The following SPOCK1 variants were observed in gnomAD, a reference collection of about 807,000 sequenced individuals.
SPOCK1 encodes the protein testican-1.
SPOCK1 carries 23 observed loss-of-function variants against 55.3 expected under a neutral mutation model. The observed-to-expected ratio is 0.42, with a 90% CI of 0.30 to 0.59. The LOEUF is 0.59. SPOCK1 is among the 20% of genes least tolerant of loss of function. The probability of loss-of-function intolerance (pLI) is 0.22; values close to 1 mark genes in which losing one functional copy is unlikely to be tolerated. For missense variants in SPOCK1, 499 were observed against 552.5 expected (o/e 0.90, Z 0.97); for synonymous variants, 226 against 221.0 (o/e 1.02, Z -0.20).
intron 3 of SPOCK1, among the ~76,000 whole-genome samples, chr5:137,178,294 A>G (rs1317493844): frequency 1.3e-5 from 2 of 152,244 alleles, no homozygotes; most frequent in Non-Finnish European, 2.9e-5. Flanking sequence ...GGCACATGGT[A>G]AACACATACT....
At chr5:137,017,134 C>T (rs1338802507) in intron 6 of SPOCK1, among the ~76,000 whole-genome samples, 1 of 152,242 alleles carries the variant, frequency 6.6e-6, no homozygotes, top group African/African-American at 2.4e-5. Flanking sequence ...GAAGGGAGGA[C>T]CTCAGCTACC....
intron 9 of SPOCK1, 51 bp downstream of exon 9, chr5:136,985,089 C>A: frequency 6.5e-7 from 1 of 1,538,018 alleles, no homozygotes; most frequent in East Asian, 2.2e-5. Flanking sequence ...TTACAAGGGA[C>A]ATGGCTGGCT....
intron 6 of SPOCK1, among the ~76,000 whole-genome samples, chr5:137,043,670 C>T (rs555706784): frequency 3.3e-5 from 5 of 152,270 alleles, no homozygotes; most frequent in Admixed American, 3.3e-4. Context: ...ACTCATAACC[C>T]TACTCTAATC....
At chr5:137,027,046 G>A (rs1006410330) in intron 6 of SPOCK1, among the ~76,000 whole-genome samples, 5 of 152,056 alleles carry the variant, frequency 3.3e-5, no homozygotes, top group Non-Finnish European at 7.4e-5. Flanking sequence ...TTTTATGATT[G>A]TTTTATTTTC....
chr5:137,452,240 A>G (rs1753269700), intron 2 of SPOCK1, among the ~76,000 whole-genome samples: 1 of 152,224 alleles, frequency 6.6e-6, no homozygotes, highest in South Asian at 2.1e-4. Context: ...CTTCACCATC[A>G]CATGCCGTGT....
intron 2 of SPOCK1, among the ~76,000 whole-genome samples, chr5:137,428,542 G>T (rs1242468233): frequency 6.6e-6 from 1 of 152,130 alleles, no homozygotes. Flanking sequence ...TTTTCATTCT[G>T]CATCTTTCCC....
intron 2 of SPOCK1, among the ~76,000 whole-genome samples, chr5:137,324,932 C>A: frequency 6.6e-6 from 1 of 150,394 alleles, no homozygotes. Context: ...CAACACTAAG[C>A]TGTGCAGACA....
intron 3 of SPOCK1, among the ~76,000 whole-genome samples, chr5:137,209,808 A>G (rs1755579244): frequency 6.6e-6 from 1 of 152,226 alleles, no homozygotes; most frequent in Admixed American, 6.5e-5. Flanking sequence ...GAGGCACACA[A>G]TATGCTTGGT....
intron 3 of SPOCK1, among the ~76,000 whole-genome samples, chr5:137,238,876 T>C (rs748247977): frequency 5.9e-5 from 9 of 152,216 alleles, no homozygotes; most frequent in Non-Finnish European, 1.0e-4. Context: ...AAGTGATTGA[T>C]AGTGAGATAT....
chr5:136,994,699 C>T (rs1315196122), intron 6 of SPOCK1, among the ~76,000 whole-genome samples: 11 of 151,106 alleles, frequency 7.3e-5, no homozygotes. Context: ...TGCAATTAGC[C>T]ATATATGGCT....
intron 5 of SPOCK1, among the ~76,000 whole-genome samples, chr5:137,084,755 ACT>A (rs757223721): frequency 4.6e-5 from 7 of 151,310 alleles, no homozygotes; most frequent in Non-Finnish European, 1.0e-4. Context: ...GAGAAAAGAA[ACT>A]CTATTAGATC....
At chr5:137,278,204 G>A (rs1031817860) in intron 2 of SPOCK1, among the ~76,000 whole-genome samples, 9 of 152,190 alleles carry the variant, frequency 5.9e-5, no homozygotes, top group Non-Finnish European at 1.2e-4. Context: ...TGTCCTAGCT[G>A]CCACCTTGCA....
rs555109564 is a variant in SPOCK1 at position 137,472,646 on chromosome 5, G to A, written c.186+25727C>T. ...AAATACAGCTGCACACGAGTGAAATGAGGCTTCCCTAAGATTATTCATTAC... is the reference window on the plus strand; with the variant it reads ...AAATACAGCTGCACACGAGTGAAATAAGGCTTCCCTAAGATTATTCATTAC... On this transcript the variant is annotated intron_variant, in intron 2 of 10. Transcript: ENST00000394945. Among the ~76,000 whole-genome samples the A allele has an allele frequency of 3.3e-5, 5 of 152,342 alleles. No homozygotes were observed. In the South Asian group the frequency reaches 1.0e-3, roughly 32 times the overall value.
At chr5:137,019,328 C>G (rs760195462) in intron 6 of SPOCK1, among the ~76,000 whole-genome samples, 5 of 152,070 alleles carry the variant, frequency 3.3e-5, no homozygotes, top group Non-Finnish European at 7.4e-5. Context: ...CTATACTTTT[C>G]CTAGTTTTAT....
At chr5:137,361,967 T>C (rs1750956255) in intron 2 of SPOCK1, among the ~76,000 whole-genome samples, 1 of 152,114 alleles carries the variant, frequency 6.6e-6, no homozygotes, top group Non-Finnish European at 1.5e-5. Context: ...CCCCCTTAAG[T>C]GTTCCTCTCA....
chr5:137,472,338 A>G (rs1019848380), intron 2 of SPOCK1, among the ~76,000 whole-genome samples: 3 of 152,154 alleles, frequency 2.0e-5, no homozygotes, highest in African/African-American at 7.2e-5. Context: ...TCTGCCAGGA[A>G]AAAGGGGGCT....
intron 3 of SPOCK1, among the ~76,000 whole-genome samples, chr5:137,201,716 T>A (rs2127076467): frequency 6.6e-6 from 1 of 152,278 alleles, no homozygotes; most frequent in South Asian, 2.1e-4. Context: ...AAAGCAAAGA[T>A]AATGCTGCAC....
At chr5:137,305,723 C>T (rs1407016459) in intron 2 of SPOCK1, among the ~76,000 whole-genome samples, 1 of 152,222 alleles carries the variant, frequency 6.6e-6, no homozygotes, top group Non-Finnish European at 1.5e-5. Flanking sequence ...CCCAGCTCAA[C>T]TCCAGTTCCT....
At chr5:137,433,284 G>A (rs1378640840) in intron 2 of SPOCK1, among the ~76,000 whole-genome samples, 1 of 152,204 alleles carries the variant, frequency 6.6e-6, no homozygotes, top group Non-Finnish European at 1.5e-5. Flanking sequence ...AGAGACAGCA[G>A]AGCATCTTGT....
Sources: gnomAD v4.1 joint callset for allele counts (sites outside exome capture counted in the v4.1 genomes callset) on GRCh38, gnomAD v4.1.1 for gene constraint, MANE v1.5 for transcripts, NCBI Gene and HGNC (gene_info 2026-07-23, HGNC 2026-07-21) for gene names.